Variants in SPATA31H1 observed in about 807,000 individuals in gnomAD.
SPATA31H1 encodes the protein SPATA31 subfamily H member 1, also known as spermatogenesis-associated protein 31H1.
the SPATA31H1 span, among the ~76,000 whole-genome samples, chr2:27,553,574 T>G: frequency 6.6e-6 from 1 of 152,134 alleles, no homozygotes; most frequent in Non-Finnish European, 1.5e-5. Context: ...AATTCTTCTC[T>G]CATTTTACCA....
the SPATA31H1 span, among the ~76,000 whole-genome samples, chr2:27,549,493 A>G: frequency 1.8e-4 from 28 of 151,714 alleles, no homozygotes; most frequent in Admixed American, 7.2e-4. Context: ...ATGTGTCACC[A>G]TACCTGGCTA....
chr2:27,561,016 A>G, the SPATA31H1 span, among the ~76,000 whole-genome samples: 1 of 152,112 alleles, frequency 6.6e-6, no homozygotes, highest in South Asian at 2.1e-4. Context: ...TTGAGGTTCC[A>G]TTTGCATGTG....
the SPATA31H1 span, chr2:27,576,941 T>C: frequency 6.2e-7 from 1 of 1,614,064 alleles, no homozygotes; most frequent in Non-Finnish European, 8.5e-7. Context: ...AACTAATCCC[T>C]AGACCAGGGC....
chr2:27,542,058 C>G, the SPATA31H1 span, among the ~76,000 whole-genome samples: 2 of 152,070 alleles, frequency 1.3e-5, no homozygotes, highest in East Asian at 3.9e-4. Flanking sequence ...CAGGCATGAG[C>G]CACCACACCC....
chr2:27,542,185 T>C, the SPATA31H1 span, among the ~76,000 whole-genome samples: 1 of 151,952 alleles, frequency 6.6e-6, no homozygotes, highest in African/African-American at 2.4e-5. Flanking sequence ...TCACTTGAGG[T>C]CAGGAGTTCG....
At chr2:27,566,879 T>C in the SPATA31H1 span, 13 of 717,512 alleles carry the variant, frequency 1.8e-5, no homozygotes, top group Non-Finnish European at 3.1e-5. Context: ...GCATCTCCTT[T>C]AGTTCATCAT....
At chr2:27,580,708 C>G in the SPATA31H1 span, 1 of 1,614,098 alleles carries the variant, frequency 6.2e-7, no homozygotes, top group African/African-American at 1.3e-5. Context: ...GTGGACGGGA[C>G]AAGGCCAGAC....
the SPATA31H1 span, among the ~76,000 whole-genome samples, chr2:27,564,939 C>T: frequency 3.3e-5 from 5 of 152,120 alleles, no homozygotes. Context: ...TAGGCATAAC[C>T]TGGCTTCCAT....
At chr2:27,548,804 G>A in the SPATA31H1 span, among the ~76,000 whole-genome samples, 1 of 151,674 alleles carries the variant, frequency 6.6e-6, no homozygotes, top group East Asian at 1.9e-4. Context: ...CTGGTGCAGT[G>A]GCTCAAGCAT....
chr2:27,546,377 G>A, the SPATA31H1 span, among the ~76,000 whole-genome samples: 1 of 151,540 alleles, frequency 6.6e-6, no homozygotes, highest in Non-Finnish European at 1.5e-5. Flanking sequence ...TGTGTATGGT[G>A]TGAGGTAGGG....
the SPATA31H1 span, chr2:27,573,519 C>T: frequency 2.5e-6 from 1 of 398,416 alleles, no homozygotes; most frequent in African/African-American, 2.1e-5. Flanking sequence ...TTTGACATCA[C>T]TCCAGGAACA....
the SPATA31H1 span, chr2:27,565,443 C>A: frequency 1.4e-6 from 1 of 716,092 alleles, no homozygotes; most frequent in South Asian, 1.5e-5. Context: ...TGTGGGTCAG[C>A]CTTATGACTC....
chr2:27,555,299 TA>T, the SPATA31H1 span, among the ~76,000 whole-genome samples: 2 of 152,116 alleles, frequency 1.3e-5, no homozygotes, highest in East Asian at 3.9e-4. Context: ...CAATTAGGCA[TA>T]CTATGAATAG....
At chr2:27,577,652 A>G in the SPATA31H1 span, 1 of 1,614,004 alleles carries the variant, frequency 6.2e-7, no homozygotes, top group South Asian at 1.1e-5. This position sits in a 1 kb window ranked among gnomAD's most constrained non-coding sequence, Gnocchi z 4.5. Context: ...GAGTTCCTGA[A>G]TCTGTGGAGT....
chr2:27,578,067 G>A, the SPATA31H1 span: 2 of 1,614,026 alleles, frequency 1.2e-6, no homozygotes, highest in African/African-American at 2.7e-5. Flanking sequence ...TGCTCAATCT[G>A]AAGAGGTAAT....
chr2:27,549,427 T>G, the SPATA31H1 span, among the ~76,000 whole-genome samples: 1 of 151,796 alleles, frequency 6.6e-6, no homozygotes, highest in Non-Finnish European at 1.5e-5. Flanking sequence ...AGCCTTGAAC[T>G]TTTGGGCTCA....
the SPATA31H1 span, among the ~76,000 whole-genome samples, chr2:27,550,308 T>C: frequency 0.069 from 10,463 of 151,426 alleles, 1,351 homozygotes; most frequent in African/African-American, 0.24. Context: ...ACATCATTTA[T>C]GTGTAATGTT....
At chr2:27,568,631 C>G in the SPATA31H1 span, 1 of 398,850 alleles carries the variant, frequency 2.5e-6, no homozygotes, top group Admixed American at 4.4e-5. Context: ...AAGATATAAA[C>G]ACTGTGGAGC....
chr2:27,545,834 A>C, the SPATA31H1 span, among the ~76,000 whole-genome samples: 2 of 151,826 alleles, frequency 1.3e-5, no homozygotes, highest in Non-Finnish European at 2.9e-5. Flanking sequence ...AAGTGCTGAG[A>C]TTACAGGTGT....
Sources: gnomAD v4.1 joint callset for allele counts (sites outside exome capture counted in the v4.1 genomes callset) on GRCh38, gnomAD v4.1.1 for gene constraint, Gnocchi (gnomAD v3.1) non-coding constraint, MANE v1.5 for transcripts, NCBI Gene and HGNC (gene_info 2026-07-23, HGNC 2026-07-21) for gene names.